Variants in ROBO1 observed in about 807,000 individuals in gnomAD.
ROBO1 encodes roundabout guidance receptor 1.
A neutral mutation model predicts 195.9 loss-of-function variants in ROBO1; 149 were observed. That is an observed-to-expected ratio of 0.76 (90% CI 0.67 to 0.87). The LOEUF (loss-of-function observed/expected upper bound fraction) is 0.87, where lower values mean the gene tolerates loss of function less well. ROBO1 is among the 40% of genes least tolerant of loss of function. ROBO1 has a pLI of 0.00. For synonymous variants in ROBO1, 816 were observed against 733.2 expected, an observed-to-expected ratio of 1.11 and a Z score of -1.82; for missense variants, 1,933 against 2,068.3, an observed-to-expected ratio of 0.93 and a Z score of 1.27.
chr3:78,689,820 G>C (rs993296806), intron 8 of ROBO1, among the ~76,000 whole-genome samples: 1 of 151,680 alleles, frequency 6.6e-6, no homozygotes, highest in Non-Finnish European at 1.5e-5. Flanking sequence ...ATCACTTAGG[G>C]AAACTCCTTA....
chr3:79,469,231 A>G (rs1221789454), intron 2 of ROBO1, among the ~76,000 whole-genome samples: 4 of 152,166 alleles, frequency 2.6e-5, no homozygotes, highest in Admixed American at 6.6e-5. Flanking sequence ...CAAGAAAGTT[A>G]TTAGAAATTA....
intron 5 of ROBO1, among the ~76,000 whole-genome samples, chr3:78,739,317 A>G (rs895457688): frequency 2.0e-5 from 3 of 152,154 alleles, no homozygotes; most frequent in Non-Finnish European, 2.9e-5. Context: ...TTCCCCAGTC[A>G]CTACATTAAT....
At chr3:79,518,177 A>T (rs193173684) in intron 2 of ROBO1, among the ~76,000 whole-genome samples, 15 of 152,328 alleles carry the variant, frequency 9.8e-5, no homozygotes, top group Admixed American at 8.5e-4. Flanking sequence ...TTTCTACAAA[A>T]GTATGCTAAT....
intron 1 of ROBO1, among the ~76,000 whole-genome samples, chr3:79,744,655 T>C (rs924447546): frequency 6.6e-6 from 1 of 152,138 alleles, no homozygotes; most frequent in Non-Finnish European, 1.5e-5. Context: ...TAAGCACTTA[T>C]TCTTTAAGCC....
intron 3 of ROBO1, among the ~76,000 whole-genome samples, chr3:79,089,573 C>T (rs943145644): frequency 6.6e-6 from 1 of 152,108 alleles, no homozygotes; most frequent in African/African-American, 2.4e-5. Context: ...TTTGCTGAAT[C>T]AAAGAGAACA....
intron 1 of ROBO1, among the ~76,000 whole-genome samples, chr3:79,613,991 T>C (rs2107935783): frequency 6.6e-6 from 1 of 152,082 alleles, no homozygotes; most frequent in South Asian, 2.1e-4. Flanking sequence ...TGTATACACC[T>C]AACAACAGAG....
intron 2 of ROBO1, among the ~76,000 whole-genome samples, chr3:79,452,286 T>C (rs2039469228): frequency 6.6e-6 from 1 of 152,074 alleles, no homozygotes; most frequent in Non-Finnish European, 1.5e-5. Context: ...ATAAACCACA[T>C]GGGGCCCATC....
At chr3:78,883,603 T>C (rs2036315975) in intron 4 of ROBO1, among the ~76,000 whole-genome samples, 1 of 152,104 alleles carries the variant, frequency 6.6e-6, no homozygotes, top group Admixed American at 6.6e-5. Flanking sequence ...CAAGTGATCC[T>C]CCCACTTTAG....
chr3:79,478,528 G>T (rs527577129), intron 2 of ROBO1, among the ~76,000 whole-genome samples: 2 of 152,232 alleles, frequency 1.3e-5, no homozygotes, highest in Admixed American at 1.3e-4. Context: ...TGTGCATAAA[G>T]CACCTTTCCA....
At chr3:78,995,221 T>C (rs2077334274) in intron 3 of ROBO1, among the ~76,000 whole-genome samples, 1 of 152,194 alleles carries the variant, frequency 6.6e-6, no homozygotes, top group Non-Finnish European at 1.5e-5. Flanking sequence ...GGCACATTCA[T>C]CGCCAGGAGC....
chr3:79,086,997 T>A (rs997275710), intron 3 of ROBO1, among the ~76,000 whole-genome samples: 1 of 152,196 alleles, frequency 6.6e-6, no homozygotes, highest in Admixed American at 6.5e-5. Flanking sequence ...AAGGAACATT[T>A]TGATATGTAC....
intron 2 of ROBO1, among the ~76,000 whole-genome samples, chr3:79,480,616 GTA>G (rs938061384): frequency 6.6e-6 from 1 of 152,104 alleles, no homozygotes; most frequent in Non-Finnish European, 1.5e-5. Context: ...GAATTTGTGT[GTA>G]TGTGTGTGTG....
rs185036344 is a variant in ROBO1 at position 79,518,208 on chromosome 3, T to A, written c.88+71616A>T. Among the ~76,000 whole-genome samples, 8 of 152,270 alleles carry A rather than the reference T, an allele frequency of 5.3e-5. No homozygotes were observed. The East Asian group carries it at 1.5e-3, about 29-fold the overall frequency. ...CTAATTTTCCTATAAGTGTATTTAG[T>A]TTATCAATAAACTAATACTCAGATA... On this transcript the variant is annotated intron_variant, in intron 2 of 30. Coordinates refer to ENST00000464233, the MANE Select transcript of ROBO1 (RefSeq NM_002941.4).
At chr3:79,310,906 T>C (rs2109093702) in intron 2 of ROBO1, among the ~76,000 whole-genome samples, 1 of 152,338 alleles carries the variant, frequency 6.6e-6, no homozygotes, top group South Asian at 2.1e-4. Context: ...AGAACAAAAT[T>C]TGAAACACTT....
chr3:78,922,988 A>C (rs1185409252), intron 4 of ROBO1, among the ~76,000 whole-genome samples: 1 of 152,148 alleles, frequency 6.6e-6, no homozygotes, highest in Admixed American at 6.5e-5. Context: ...TTGACTATTT[A>C]ATAAAGATAA....
chr3:78,946,534 G>A (rs2040456089), intron 3 of ROBO1, among the ~76,000 whole-genome samples: 1 of 152,198 alleles, frequency 6.6e-6, no homozygotes, highest in African/African-American at 2.4e-5. Flanking sequence ...ACTAAATGTG[G>A]AAAGGAACAA....
intron 2 of ROBO1, among the ~76,000 whole-genome samples, chr3:79,309,509 G>T (rs2109088219): frequency 1.3e-5 from 2 of 152,256 alleles, no homozygotes; most frequent in East Asian, 3.9e-4. Context: ...GGTGGCTAAA[G>T]TGTGAGGATC....
At chr3:79,004,202 T>A (rs1201513778) in intron 3 of ROBO1, among the ~76,000 whole-genome samples, 2 of 151,976 alleles carry the variant, frequency 1.3e-5, no homozygotes, top group Non-Finnish European at 2.9e-5. Context: ...GACTTTTGAT[T>A]TTTTTTTAAA....
intron 2 of ROBO1, among the ~76,000 whole-genome samples, chr3:79,463,049 A>G (rs1937735661): frequency 6.6e-6 from 1 of 152,174 alleles, no homozygotes; most frequent in South Asian, 2.1e-4. Flanking sequence ...TTGGTATGTT[A>G]ACTTTCTTTC....
Sources: gnomAD v4.1 joint callset for allele counts (sites outside exome capture counted in the v4.1 genomes callset) on GRCh38, gnomAD v4.1.1 for gene constraint, MANE v1.5 for transcripts, NCBI Gene and HGNC (gene_info 2026-07-23, HGNC 2026-07-21) for gene names.